The following CLIP1 variants were observed in gnomAD, a reference collection of about 807,000 sequenced individuals.
CLIP1 encodes CAP-Gly domain containing linker protein 1, also known as CAP-Gly domain-containing linker protein 1.
CLIP1 carries 66 observed loss-of-function variants against 161.6 expected under a neutral mutation model. That is an observed-to-expected ratio of 0.41 (90% CI 0.33 to 0.50). The LOEUF is 0.50. Among genes scored for constraint, CLIP1 ranks in the 20% least tolerant of loss-of-function variants. The pLI, the probability that CLIP1 is intolerant of heterozygous loss-of-function variation, is 0.27. For missense variants in CLIP1, 1,376 were observed against 1,702.0 expected (o/e 0.81, Z 3.37); for synonymous variants, 598 against 626.2 (o/e 0.96, Z 0.67).
intron 1 of CLIP1, among the ~76,000 whole-genome samples, chr12:122,388,377 G>A (rs191776585): frequency 0.013 from 2,044 of 152,172 alleles, 25 homozygotes; most frequent in Non-Finnish European, 0.02. Flanking sequence ...CTGCAACCAC[G>A]CCCGGCTAAT....
At chr12:122,315,385 G>A (rs765340667) in intron 19 of CLIP1, among the ~76,000 whole-genome samples, 6 of 152,114 alleles carry the variant, frequency 3.9e-5, no homozygotes, top group Non-Finnish European at 7.4e-5. Flanking sequence ...GGTTAATACG[G>A]TTGATACAGT....
Position 122,361,162 on chromosome 12 carries a change from TG to T in CLIP1, c.801del (p.Lys268AsnfsTer29). The part of the protein sequence containing the change: ...VAGTRYFQCQ[P>X]KYGLFAPVHK... Reference sequence around the variant, plus strand: ...TGGACAGGAGCGAACAAGCCATATTTGGGTTGACACTGAAAATACCTTTAGA... The same window carrying T: ...TGGACAGGAGCGAACAAGCCATATTTGGTTGACACTGAAAATACCTTTAGA... On this transcript the variant is annotated frameshift_variant, in exon 5 of 26. Transcript: ENST00000620786. LOFTEE classifies it high-confidence loss of function. 1 of 1,613,898 alleles carries T rather than the reference TG, an allele frequency of 6.2e-7. No individual in the cohort carries two copies. The highest frequency in any genetic ancestry group is 8.5e-7 in the Non-Finnish European group (1 of 1,179,854).
intron 19 of CLIP1, among the ~76,000 whole-genome samples, chr12:122,316,054 A>C (rs528627138): frequency 7.9e-5 from 12 of 152,078 alleles, no homozygotes; most frequent in African/African-American, 2.9e-4. Context: ...TGACATTTCC[A>C]AATGTTAAGA....
At chr12:122,305,629 G>A (rs1044238865) in intron 20 of CLIP1, among the ~76,000 whole-genome samples, 8 of 152,150 alleles carry the variant, frequency 5.3e-5, no homozygotes, top group African/African-American at 1.9e-4. Flanking sequence ...CGATTGGATT[G>A]AGGATGCAAA....
intron 1 of CLIP1, chr12:122,401,005 G>C (rs1187111783): frequency 6.7e-6 from 1 of 150,170 alleles, no homozygotes; most frequent in African/African-American, 2.5e-5. Context: ...TCCGCCTCTC[G>C]GGTTTAAGCA....
chr12:122,312,750 G>C (rs895395376), intron 19 of CLIP1, among the ~76,000 whole-genome samples: 2 of 152,138 alleles, frequency 1.3e-5, no homozygotes, highest in Non-Finnish European at 2.9e-5. Context: ...GGGCAACAGA[G>C]TGACACCCTG....
rs759924916 is a variant in CLIP1 at position 122,336,659 on chromosome 12, C to A, written c.2541G>T (p.Glu847Asp). Reference protein sequence around the residue: ...ENLSEVSQVKETLEKELQILK... With the variant: ...ENLSEVSQVKDTLEKELQILK... Reference sequence around the variant, plus strand: ...AAATCTGAAGTTCTTTTTCCAAAGTCTCTTTCACTTGACTGACTTCACTCA... The same window carrying A: ...AAATCTGAAGTTCTTTTTCCAAAGTATCTTTCACTTGACTGACTTCACTCA... The change falls in exon 12 of 26, where the codon GAG (glutamate) becomes GAT (aspartate). Residue 847 changes from glutamate (E) to aspartate (D), a missense_variant. Around this residue, in one of 6 missense-constraint regions of CLIP1, gnomAD observed 948 missense variants for 1,134.8 expected, o/e 0.84. Coordinates refer to ENST00000620786, the MANE Select transcript of CLIP1 (RefSeq NM_001247997.2). The A allele has an allele frequency of 3.0e-5, 48 of 1,607,666 alleles. No homozygotes were observed. The highest frequency in any genetic ancestry group is 3.3e-5 in the Non-Finnish European group (39 of 1,175,242).
In CLIP1 at chr12:122,272,804, C is replaced by A; in HGVS notation, c.*71G>T. The stretch of plus-strand genomic sequence containing the variant: ...CATGAGTTCTCCTGAAGTCTGCACA[C>A]ACAATGCTGGTGTTACGTTGTGTCA... On this transcript the variant is annotated 3_prime_UTR_variant, in exon 26 of 26. Coordinates refer to ENST00000620786, the MANE Select transcript of CLIP1 (RefSeq NM_001247997.2). 1.5e-6 allele frequency: 2 copies of A among 1,306,342 alleles called. No individual in the cohort carries two copies. Among genetic ancestry groups the A allele is most frequent in the Admixed American group, 1.7e-5 (1 of 58,956 alleles). The allele number at this position is 1,306,342 out of a possible 1,614,324, so 80.9% of individuals were successfully genotyped here.
At chr12:122,415,959 G>A (rs544592453) in intron 1 of CLIP1, among the ~76,000 whole-genome samples, 5 of 152,282 alleles carry the variant, frequency 3.3e-5, no homozygotes, top group African/African-American at 1.2e-4. Context: ...AAGATCCTGG[G>A]CCTGGCACGG....
chr12:122,391,304 G>A (rs1272212144), intron 1 of CLIP1, among the ~76,000 whole-genome samples: 2 of 151,728 alleles, frequency 1.3e-5, no homozygotes, highest in Non-Finnish European at 2.9e-5. Context: ...AGAAGAACAA[G>A]GCCAGGTGCA....
At chr12:122,413,594 T>G (rs1420227077) in intron 1 of CLIP1, among the ~76,000 whole-genome samples, 2 of 152,160 alleles carry the variant, frequency 1.3e-5, no homozygotes, top group Non-Finnish European at 2.9e-5. Context: ...AGCTTACGCT[T>G]ATAGAAAACA....
chr12:122,345,453 G>A lies in CLIP1; in HGVS notation c.1506+1922C>T, dbSNP rs143416664. ...TGGGATTACAGGCATGAAACACCAT[G>A]CCTGGCCCACTCTTTTTTTGTTTTC... On this transcript the variant is annotated intron_variant, in intron 10 of 25. Coordinates refer to ENST00000620786, the MANE Select transcript of CLIP1 (RefSeq NM_001247997.2). Among the ~76,000 whole-genome samples the A allele has an allele frequency of 3.8e-3, 572 of 152,042 alleles. 2 individuals carry two copies. Among genetic ancestry groups the A allele is most frequent in the African/African-American group, 0.013 (547 of 41,464 alleles).
chr12:122,393,293 T>G (rs1313303945), intron 1 of CLIP1, among the ~76,000 whole-genome samples: 1 of 152,082 alleles, frequency 6.6e-6, no homozygotes, highest in Non-Finnish European at 1.5e-5. Context: ...CCCAAGTAGT[T>G]GGGATTACAG....
At chr12:122,407,572 G>A (rs987134341) in intron 1 of CLIP1, among the ~76,000 whole-genome samples, 1 of 151,476 alleles carries the variant, frequency 6.6e-6, no homozygotes, top group African/African-American at 2.4e-5. Context: ...ATGGTGTCGC[G>A]TGCCTGCAGT....
At chr12:122,278,724 C>A in intron 23 of CLIP1, 68 bp downstream of exon 23, 1 of 1,474,224 alleles carries the variant, frequency 6.8e-7, no homozygotes, top group Non-Finnish European at 9.1e-7. Context: ...CGAAGAGCAT[C>A]TCTACTAGAA....
intron 2 of CLIP1, 110 bp downstream of exon 2, chr12:122,380,258 T>A (rs1237492164): frequency 1.5e-5 from 9 of 613,514 alleles, no homozygotes; most frequent in South Asian, 3.1e-5. Context: ...AAAAAAAAAA[T>A]CTTTCAAATA....
intron 1 of CLIP1, among the ~76,000 whole-genome samples, chr12:122,383,564 G>A (rs1955104296): frequency 6.6e-6 from 1 of 152,200 alleles, no homozygotes; most frequent in Non-Finnish European, 1.5e-5. Context: ...GCGGAGAACT[G>A]TGACCAAGGT....
chr12:122,309,972 T>C (rs1951007229), intron 19 of CLIP1, 90 bp from the exon 20 acceptor site: 6 of 1,442,124 alleles, frequency 4.2e-6, no homozygotes, highest in Admixed American at 3.7e-5. Flanking sequence ...CTGAAGAAAA[T>C]ATATCTGGGT....
In CLIP1 at chr12:122,272,687, A is replaced by G. The variant is rs1955223174; in HGVS notation, c.*188T>C. On this transcript the variant is annotated 3_prime_UTR_variant, in exon 26 of 26. Transcript: ENST00000620786. ...CGAGGTGAAAACTCACCTACTAAAT[A>G]TTTATTATTCTAACTCATACGGGGA... 1.7e-6 allele frequency: 1 copy of G among 579,732 alleles called. No homozygotes were observed. Among genetic ancestry groups the G allele is most frequent in the Admixed American group, 3.1e-5 (1 of 32,230 alleles). 35.9% of individuals were successfully genotyped at this position (579,732 alleles called of 1,614,324 possible). A position where few individuals can be genotyped will look rare whatever the true frequency, so the allele number is the denominator to read the frequency against.
Sources: gnomAD v4.1 joint callset for allele counts (sites outside exome capture counted in the v4.1 genomes callset) on GRCh38, gnomAD v4.1.1 for gene constraint, gnomAD v4.1.1 regional missense constraint, MANE v1.5 for transcripts, NCBI Gene and HGNC (gene_info 2026-07-23, HGNC 2026-07-21) for gene names.